Variants in NUB1 observed in about 807,000 individuals in gnomAD.
The protein encoded by NUB1 is negative regulator of ubiquitin like proteins 1.
NUB1 carries 41 observed loss-of-function variants against 77.1 expected under a neutral mutation model. The ratio of observed to expected loss-of-function variants is 0.53; its 90% confidence interval spans 0.41 to 0.69. The LOEUF is 0.69. Ranked by LOEUF, NUB1 falls within the 30% of genes least tolerant of loss-of-function variation. The pLI is 0.00. For missense variants in NUB1, 643 were observed against 743.8 expected (o/e 0.86, Z 1.58); for synonymous variants, 257 against 281.0 (o/e 0.91, Z 0.85).
chr7:151,373,460 C>T (rs1798051949), intron 11 of NUB1, among the ~76,000 whole-genome samples: 1 of 152,132 alleles, frequency 6.6e-6, no homozygotes, highest in Non-Finnish European at 1.5e-5. Context: ...TGCGCTCCTG[C>T]AGCAATAGCA....
chr7:151,358,771 A>C (rs1797206338), intron 7 of NUB1, among the ~76,000 whole-genome samples: 1 of 152,182 alleles, frequency 6.6e-6, no homozygotes, highest in South Asian at 2.1e-4. Context: ...CACCTTTTAA[A>C]AATTGTTTTG....
rs1467871848 is a variant in NUB1, at chr7:151,377,212, C to G, written c.1835C>G (p.Thr612Arg). ...LSYVENRKSA[T>R]KKN ...TATGTAGAAAATAGGAAGTCAGCAA[C>G]AAAGAAAAACTAAATAATGAACAGA... The change falls in exon 15 of 15, where the codon ACA (threonine) becomes AGA (arginine). Residue 612 changes from threonine to arginine, a missense_variant. By Grantham distance (71) the Thr-to-Arg change is moderately conservative (BLOSUM62 -1). Transcript: ENST00000568733. The G allele has an allele frequency of 1.3e-6, 2 of 1,533,432 alleles. No homozygotes were observed. Among genetic ancestry groups the G allele is most frequent in the Non-Finnish European group, 1.8e-6 (2 of 1,138,934 alleles). The allele number at this position is 1,533,432 out of a possible 1,614,324, so 95.0% of individuals were successfully genotyped here.
At chr7:151,349,810 C>T (rs390370) in intron 3 of NUB1, among the ~76,000 whole-genome samples, 47,029 of 152,172 alleles carry the variant, frequency 0.31, 7,919 homozygotes, top group East Asian at 0.44. Context: ...TGGTTTTTCT[C>T]CTCATGTGCG....
intron 10 of NUB1, among the ~76,000 whole-genome samples, chr7:151,368,461 G>A (rs1797802509): frequency 6.6e-6 from 1 of 152,222 alleles, no homozygotes; most frequent in East Asian, 1.9e-4. Context: ...AAATTCGGGG[G>A]CTTTTGTTGC....
intron 7 of NUB1, among the ~76,000 whole-genome samples, chr7:151,357,611 T>G (rs1003514240): frequency 2.6e-5 from 4 of 151,478 alleles, no homozygotes; most frequent in African/African-American, 7.3e-5. Context: ...GATTAAAGTT[T>G]TTTTTTTTTT....
At chr7:151,363,882 C>A (rs1452164024) in intron 8 of NUB1, among the ~76,000 whole-genome samples, 1 of 151,920 alleles carries the variant, frequency 6.6e-6, no homozygotes, top group Non-Finnish European at 1.5e-5. Context: ...TAACCTCTGC[C>A]TCCTGGGTTC....
At chr7:151,349,342 C>A in intron 3 of NUB1, 102 bp downstream of exon 3, 2 of 985,592 alleles carry the variant, frequency 2.0e-6, no homozygotes, top group South Asian at 1.6e-5. Context: ...AGTCAGAATT[C>A]TTTTAAGTGA....
intron 1 of NUB1, 89 bp downstream of exon 1, chr7:151,341,935 T>G: frequency 1.5e-6 from 2 of 1,368,790 alleles, no homozygotes. Context: ...GCACCTCTCC[T>G]GGCCAGGGGT....
At chr7:151,369,795 C>G (rs549861874) in intron 11 of NUB1, among the ~76,000 whole-genome samples, 2 of 152,202 alleles carry the variant, frequency 1.3e-5, no homozygotes, top group Admixed American at 1.3e-4. Flanking sequence ...TCTCTAGAAT[C>G]TTCACATGTA....
Position 151,377,343 on chromosome 7 carries a change from GA to G in NUB1, c.*119del. 2 of 685,454 alleles carry G rather than the reference GA, an allele frequency of 2.9e-6. No individual in the cohort carries two copies. Among genetic ancestry groups the G allele is most frequent in the Non-Finnish European group, 4.6e-6 (2 of 434,870 alleles). The allele number at this position is 685,454 out of a possible 1,614,324, so 42.5% of individuals were successfully genotyped here. ...AATTACAAGTCCTCTTTGGGTGTAG[GA>G]GGGGGTGGGCAGGGGACAAGTCCAG... On this transcript the variant is annotated 3_prime_UTR_variant, in exon 15 of 15. Coordinates refer to ENST00000568733, the MANE Select transcript of NUB1 (RefSeq NM_001243351.2).
intron 10 of NUB1, 61 bp downstream of exon 10, chr7:151,368,029 A>T: frequency 1.0e-6 from 1 of 1,002,244 alleles, no homozygotes; most frequent in Non-Finnish European, 1.5e-6. Context: ...CCCAGAAGTT[A>T]AGGATTTTAA....
chr7:151,361,739 T>C (rs543198795), intron 8 of NUB1, among the ~76,000 whole-genome samples: 41 of 152,148 alleles, frequency 2.7e-4, no homozygotes, highest in African/African-American at 9.2e-4. Context: ...AACTTTAACG[T>C]ACACAAAAAA....
intron 11 of NUB1, among the ~76,000 whole-genome samples, chr7:151,372,887 C>T (rs994721540): frequency 1.3e-5 from 2 of 151,976 alleles, no homozygotes; most frequent in East Asian, 1.9e-4. Flanking sequence ...AGGGAGCTGG[C>T]GCTGTGGGCA....
chr7:151,376,576 CG>C (rs1798273176), intron 13 of NUB1, 57 bp from the exon 14 acceptor site: 3 of 1,490,218 alleles, frequency 2.0e-6, no homozygotes, highest in Non-Finnish European at 1.8e-6. Flanking sequence ...GTATGGCTGA[CG>C]GGGGTGGCAG....
At chr7:151,341,994 G>A in intron 1 of NUB1, 148 bp downstream of exon 1, 1 of 1,261,068 alleles carries the variant, frequency 7.9e-7, no homozygotes, top group Non-Finnish European at 1.0e-6. Context: ...AGCTGGGCCG[G>A]GGCCGGGGCC....
Position 151,377,330 on chromosome 7 carries a change from T to A in NUB1, c.*105T>A. 1 of 770,898 alleles carries A rather than the reference T, an allele frequency of 1.3e-6. No individual in the cohort carries two copies. The highest frequency in any genetic ancestry group is 2.0e-6 in the Non-Finnish European group (1 of 504,356). The allele number at this position is 770,898 out of a possible 1,614,324, so 47.8% of individuals were successfully genotyped here. A position where few individuals can be genotyped will look rare whatever the true frequency, so the allele number is the denominator to read the frequency against. ...TACTTTTTATCTGAATTACAAGTCC[T>A]CTTTGGGTGTAGGAGGGGGTGGGCA... On this transcript the variant is annotated 3_prime_UTR_variant, in exon 15 of 15. Coordinates refer to ENST00000568733, the MANE Select transcript of NUB1 (RefSeq NM_001243351.2).
Position 151,367,454 on chromosome 7 carries a change from A to G in NUB1, c.987+329A>G, listed in dbSNP as rs577069643. Among the ~76,000 whole-genome samples the G allele has an allele frequency of 4.6e-5, 7 of 152,306 alleles. No individual in the cohort carries two copies. The East Asian group carries it at 1.2e-3, about 25-fold the overall frequency. On this transcript the variant is annotated intron_variant, in intron 9 of 14. Transcript: ENST00000568733. ...CAAGATGTAAATGCAGAAAATAGAC[A>G]TTTCAGCAGTAATGGTTTACGTGAA...
chr7:151,344,866 G>A (rs563871912), intron 1 of NUB1, among the ~76,000 whole-genome samples: 182 of 152,198 alleles, frequency 1.2e-3, no homozygotes, highest in Middle Eastern at 6.8e-3. Flanking sequence ...CGGGCGTGGT[G>A]GCGCATGCCT....
chr7:151,367,873 A>G lies in NUB1; in HGVS notation c.1000A>G (p.Lys334Glu), dbSNP rs1797768528. The G allele has an allele frequency of 6.3e-7, 1 of 1,588,232 alleles. No homozygotes were observed. ...RLVHIKGNCG[K>E]EKVLFLRLYL... ...TCAATAATTTTAGGGAAATTGTGGG[A>G]AAGAGAAGGTACTGTTTCTAAGACT... Residue 334 changes from lysine to glutamate, a missense_variant, in exon 10 of 15, where the codon AAA (lysine) becomes GAA (glutamate). Transcript: ENST00000568733.
Sources: gnomAD v4.1 joint callset for allele counts (sites outside exome capture counted in the v4.1 genomes callset) on GRCh38, gnomAD v4.1.1 for gene constraint, MANE v1.5 for transcripts, NCBI Gene and HGNC (gene_info 2026-07-23, HGNC 2026-07-21) for gene names.